LRRC4C: variants seen among roughly 807,000 people sequenced by gnomAD.
LRRC4C encodes leucine-rich repeat-containing protein 4C.
LRRC4C carries 5 observed loss-of-function variants against 33.6 expected under a neutral mutation model. The ratio of observed to expected loss-of-function variants is 0.15; its 90% CI spans 0.08 to 0.31. LRRC4C has a LOEUF of 0.31. LRRC4C is among the 10% of genes least tolerant of loss of function. LRRC4C has a pLI of 1.00. For synonymous variants in LRRC4C, 329 were observed against 302.0 expected, an observed-to-expected ratio of 1.09 and a Z score of -0.93; for missense variants, 560 against 796.7, an observed-to-expected ratio of 0.70 and a Z score of 3.58.
Position 40,967,185 on chromosome 11 carries a change from GAGGAAGGGAGAAAAGA to G in LRRC4C, c.-495-33478_-495-33463del, listed in dbSNP as rs537898856. Among the ~76,000 whole-genome samples, 52 of 151,950 alleles carry G rather than the reference GAGGAAGGGAGAAAAGA, an allele frequency of 3.4e-4. 1 individual carries two copies. In the East Asian group the frequency reaches 8.9e-3, roughly 26 times the overall value. On this transcript the variant is annotated intron_variant, in intron 1 of 6. Transcript: ENST00000528697. The stretch of plus-strand genomic sequence containing the variant: ...GAAGGAAGGAAGGAAGGGATGGAGG[GAGGAAGGGAGAAAAGA>G]AGGAAGGAAGAAAGAAGGAAAAAGG...
At chr11:41,163,857 C>T (rs1383565070) in intron 1 of LRRC4C, among the ~76,000 whole-genome samples, 1 of 152,046 alleles carries the variant, frequency 6.6e-6, no homozygotes, top group Non-Finnish European at 1.5e-5. Flanking sequence ...GGTGATCCAC[C>T]TGCTTCAGCC....
intron 3 of LRRC4C, among the ~76,000 whole-genome samples, chr11:40,370,100 C>A (rs111501192): frequency 6.6e-6 from 1 of 152,048 alleles, no homozygotes; most frequent in African/African-American, 2.4e-5. Context: ...CTTTAGAATT[C>A]CTCTATCTGA....
intron 1 of LRRC4C, among the ~76,000 whole-genome samples, chr11:41,273,075 G>A (rs117534180): frequency 7.8e-4 from 118 of 152,222 alleles, no homozygotes; most frequent in East Asian, 5.6e-3. Context: ...CAGATAATAC[G>A]TATATAAATA....
chr11:40,622,400 C>T (rs1565569683), intron 3 of LRRC4C, among the ~76,000 whole-genome samples: 1 of 151,788 alleles, frequency 6.6e-6, no homozygotes, highest in Non-Finnish European at 1.5e-5. Flanking sequence ...AGACATAAAA[C>T]CAGTTCCCAT....
chr11:41,299,175 T>C (rs576593634), intron 1 of LRRC4C, among the ~76,000 whole-genome samples: 26 of 152,140 alleles, frequency 1.7e-4, no homozygotes, highest in Non-Finnish European at 2.6e-4. Context: ...CAGATAGTAG[T>C]TTTATTTTTA....
intron 3 of LRRC4C, among the ~76,000 whole-genome samples, chr11:40,547,955 C>A (rs112209672): frequency 1.3e-5 from 2 of 152,086 alleles, no homozygotes; most frequent in Non-Finnish European, 1.5e-5. Context: ...AATGGACCAA[C>A]GCTCTATTCC....
chr11:40,578,500 C>T (rs1439849489), intron 3 of LRRC4C, among the ~76,000 whole-genome samples: 1 of 151,670 alleles, frequency 6.6e-6, no homozygotes, highest in East Asian at 1.9e-4. Context: ...GATGACTTAC[C>T]TCTCTTTTTT....
chr11:40,554,248 T>C (rs1957243039), intron 3 of LRRC4C, among the ~76,000 whole-genome samples: 1 of 152,196 alleles, frequency 6.6e-6, no homozygotes, highest in East Asian at 1.9e-4. Context: ...CAGTTGGTTG[T>C]AGATGTGTGA....
chr11:40,876,260 G>GTTTTTTTTTTTTTTTTTTTTTTTTTT (rs34351895), intron 2 of LRRC4C, among the ~76,000 whole-genome samples: 2 of 91,296 alleles, frequency 2.2e-5, no homozygotes, highest in African/African-American at 4.2e-5. Context: ...CTCAGTTAGG[G>GTTTTTTTTTTTTTTTTTTTTTTTTTT]TTTTTTTTTT....
At chr11:40,716,323 C>A (rs1946714424) in intron 2 of LRRC4C, among the ~76,000 whole-genome samples, 1 of 151,884 alleles carries the variant, frequency 6.6e-6, no homozygotes, top group South Asian at 2.1e-4. Context: ...TATAAATATT[C>A]TTTTATATCT....
chr11:40,465,617 C>T (rs1419307348), intron 3 of LRRC4C, among the ~76,000 whole-genome samples: 1 of 151,744 alleles, frequency 6.6e-6, no homozygotes, highest in Non-Finnish European at 1.5e-5. Context: ...AAAAAATAAC[C>T]CCATCAAAAA....
chr11:41,293,136 A>G (rs558395283), intron 1 of LRRC4C, among the ~76,000 whole-genome samples: 2 of 152,320 alleles, frequency 1.3e-5, no homozygotes, highest in African/African-American at 2.4e-5. Flanking sequence ...GGAAAAAATC[A>G]TATTATAACA....
chr11:41,015,921 C>T (rs1424531453), intron 1 of LRRC4C, among the ~76,000 whole-genome samples: 2 of 151,944 alleles, frequency 1.3e-5, no homozygotes, highest in African/African-American at 4.8e-5. Flanking sequence ...ACTCGGGAGG[C>T]GGAGCTTGCA....
At chr11:40,824,473 G>C (rs1328881415) in intron 2 of LRRC4C, among the ~76,000 whole-genome samples, 1 of 151,778 alleles carries the variant, frequency 6.6e-6, no homozygotes, top group African/African-American at 2.4e-5. Context: ...TAGCAGAAAA[G>C]GCATCTTACA....
chr11:40,254,183 A>T (rs1257913190), intron 4 of LRRC4C, among the ~76,000 whole-genome samples: 1 of 152,230 alleles, frequency 6.6e-6, no homozygotes, highest in Non-Finnish European at 1.5e-5. Flanking sequence ...AACTACCAGC[A>T]AATGCTAAGA....
chr11:40,391,736 A>G (rs1025274223), intron 3 of LRRC4C, among the ~76,000 whole-genome samples: 28 of 152,264 alleles, frequency 1.8e-4, no homozygotes, highest in South Asian at 1.0e-3. Context: ...AAGTGACAAA[A>G]CCACACACTG....
intron 1 of LRRC4C, among the ~76,000 whole-genome samples, chr11:41,271,726 G>A (rs1949327789): frequency 6.6e-6 from 1 of 152,082 alleles, no homozygotes; most frequent in African/African-American, 2.4e-5. Context: ...ACCAGGAATT[G>A]TTTTGCTTGT....
chr11:41,395,321 C>A (rs1953765471), intron 1 of LRRC4C, among the ~76,000 whole-genome samples: 1 of 151,928 alleles, frequency 6.6e-6, no homozygotes, highest in Admixed American at 6.6e-5. Context: ...GCAATAAGCT[C>A]TTAAAATGTA....
intron 2 of LRRC4C, among the ~76,000 whole-genome samples, chr11:40,676,356 A>C (rs2136300850): frequency 6.6e-6 from 1 of 152,332 alleles, no homozygotes; most frequent in African/African-American, 2.4e-5. Context: ...CATGGAAGGC[A>C]GGGTTAGATG....
Sources: gnomAD v4.1 joint callset for allele counts (sites outside exome capture counted in the v4.1 genomes callset) on GRCh38, gnomAD v4.1.1 for gene constraint, MANE v1.5 for transcripts, NCBI Gene and HGNC (gene_info 2026-07-23, HGNC 2026-07-21) for gene names.